Variants in MGAT4C observed in about 807,000 individuals in gnomAD.
The protein encoded by MGAT4C is MGAT4 family member C.
MGAT4C carries 19 observed loss-of-function variants against 40.1 expected under a neutral mutation model. The ratio of observed to expected loss-of-function variants is 0.47; its 90% CI spans 0.33 to 0.70. The LOEUF (loss-of-function observed/expected upper bound fraction) is 0.70, where lower values mean the gene tolerates loss of function less well. Among genes scored for constraint, MGAT4C ranks in the 30% least tolerant of loss-of-function variants. The pLI, the probability that MGAT4C is intolerant of heterozygous loss-of-function variation, is 0.02. For synonymous variants in MGAT4C, 181 were observed against 187.1 expected, an observed-to-expected ratio of 0.97 and a Z score of 0.27; for missense variants, 491 against 563.2, an observed-to-expected ratio of 0.87 and a Z score of 1.30.
At chr12:86,293,464 T>A (rs1953577757) in intron 4 of MGAT4C, among the ~76,000 whole-genome samples, 1 of 152,202 alleles carries the variant, frequency 6.6e-6, no homozygotes. Flanking sequence ...AATTCAACAA[T>A]AGGAACTCAG....
At chr12:86,534,328 C>A (rs1292726724) in intron 2 of MGAT4C, among the ~76,000 whole-genome samples, 1 of 152,098 alleles carries the variant, frequency 6.6e-6, no homozygotes, top group Non-Finnish European at 1.5e-5. Context: ...TCAGAAAAGT[C>A]TTTGAATCTA....
At chr12:86,607,807 C>T (rs1290205292) in intron 2 of MGAT4C, among the ~76,000 whole-genome samples, 1 of 152,064 alleles carries the variant, frequency 6.6e-6, no homozygotes, top group African/African-American at 2.4e-5. Flanking sequence ...ATTTGTAAAA[C>T]TTAGTAAAAT....
In MGAT4C at chr12:86,426,119, A is replaced by T. The variant is rs1225452008; in HGVS notation, c.-120+9038T>A. On this transcript the variant is annotated intron_variant, in intron 3 of 7. Transcript: ENST00000548651. The stretch of plus-strand genomic sequence containing the variant: ...ATTAGAAGTATACAACTTATTTTGC[A>T]GTCATTCAAATAGGCAGTATATTAT... Among the ~76,000 whole-genome samples the T allele has an allele frequency of 2.0e-5, 3 of 152,212 alleles. No individual in the cohort carries two copies. The East Asian group carries it at 5.8e-4, about 29-fold the overall frequency.
At chr12:86,499,382 A>T (rs1232707755) in intron 2 of MGAT4C, among the ~76,000 whole-genome samples, 1 of 151,764 alleles carries the variant, frequency 6.6e-6, no homozygotes, top group Non-Finnish European at 1.5e-5. Flanking sequence ...CTATATATAT[A>T]TTTCAACACA....
intron 1 of MGAT4C, among the ~76,000 whole-genome samples, chr12:86,756,091 A>C (rs1951300343): frequency 6.6e-6 from 1 of 152,146 alleles, no homozygotes; most frequent in South Asian, 2.1e-4. Flanking sequence ...TGCCATAACA[A>C]AATACCATAG....
intron 4 of MGAT4C, among the ~76,000 whole-genome samples, chr12:86,325,754 G>C (rs534936828): frequency 1.8e-4 from 28 of 152,142 alleles, no homozygotes; most frequent in Non-Finnish European, 3.8e-4. Flanking sequence ...GGTGCAGCCT[G>C]TATTCTCAGC....
rs1369400498 is a variant in MGAT4C at position 86,782,234 on chromosome 12, T to G, written c.-261-54993A>C. Among the ~76,000 whole-genome samples, 102 of 124,814 alleles carry G rather than the reference T, an allele frequency of 8.2e-4. 2 individuals carry two copies. The highest frequency in any genetic ancestry group is 3.0e-3 in the Admixed American group (27 of 9,138). The allele number at this position is 124,814 out of a possible 152,430, so 81.9% of individuals were successfully genotyped here. A position where few individuals can be genotyped will look rare whatever the true frequency, so the allele number is the denominator to read the frequency against. ...TCTCGCTCTGTCGCCCAGGCTGGAG[T>G]GCAGTGGCGGGATCTCGGCTCACTG... On this transcript the variant is annotated intron_variant, in intron 1 of 7. Coordinates refer to the MGAT4C transcript ENST00000548651.
chr12:86,166,564 C>T (rs1336459154), intron 1 of MGAT4C, among the ~76,000 whole-genome samples: 8 of 151,930 alleles, frequency 5.3e-5, no homozygotes, highest in Admixed American at 5.3e-4. Flanking sequence ...CTCAGCTACT[C>T]GGGAGGCTGA....
chr12:86,769,753 A>T lies in MGAT4C; in HGVS notation c.-261-42512T>A, dbSNP rs576568001. Among the ~76,000 whole-genome samples the T allele has an allele frequency of 1.6e-4, 25 of 152,180 alleles. No homozygotes were observed. In the East Asian group the frequency reaches 4.1e-3, roughly 25 times the overall value. On this transcript the variant is annotated intron_variant, in intron 1 of 7. Transcript: ENST00000548651. ...AATTGGAAATCATCATTCTCAGTAAACTATCGCAAGGACAAAAAACCAAAC... is the reference window on the plus strand; with the variant it reads ...AATTGGAAATCATCATTCTCAGTAATCTATCGCAAGGACAAAAAACCAAAC...
In MGAT4C at chr12:86,691,049, G is replaced by A. The variant is rs145189092; in HGVS notation, c.-229+36160C>T. On this transcript the variant is annotated intron_variant, in intron 2 of 7. Transcript: ENST00000548651. ...CTATTTTTACTGGAATAAATGGCAC[G>A]ATAGTTTACTCAGTTATTCAACACC... Among the ~76,000 whole-genome samples, 1,115 of 152,198 alleles carry A rather than the reference G, an allele frequency of 7.3e-3. 14 individuals carry two copies. Among genetic ancestry groups the A allele is most frequent in the African/African-American group, 0.025 (1,049 of 41,526 alleles).
chr12:86,183,407 C>T (rs1028565430), intron 1 of MGAT4C, among the ~76,000 whole-genome samples: 16 of 151,782 alleles, frequency 1.1e-4, no homozygotes, highest in African/African-American at 1.9e-4. Flanking sequence ...TTTCTTAATC[C>T]GAGAAAAGGA....
chr12:86,727,807 ATAT>A (rs1175049329), intron 1 of MGAT4C, among the ~76,000 whole-genome samples: 3 of 152,006 alleles, frequency 2.0e-5, no homozygotes, highest in Non-Finnish European at 4.4e-5. Context: ...TATTTCTATA[ATAT>A]TATATATGAA....
chr12:86,129,163 G>A (rs951898784), intron 1 of MGAT4C, among the ~76,000 whole-genome samples: 7 of 150,530 alleles, frequency 4.7e-5, no homozygotes, highest in Non-Finnish European at 8.9e-5. Context: ...TGACCCAGTC[G>A]GATTAACATC....
intron 2 of MGAT4C, among the ~76,000 whole-genome samples, chr12:86,532,626 A>G (rs1171302552): frequency 3.9e-5 from 6 of 152,074 alleles, no homozygotes; most frequent in Non-Finnish European, 7.4e-5. Flanking sequence ...ATTTAGTTTA[A>G]CTAGCTGTAA....
chr12:86,828,963 G>T (rs1952863669), intron 1 of MGAT4C, among the ~76,000 whole-genome samples: 1 of 151,456 alleles, frequency 6.6e-6, no homozygotes, highest in Non-Finnish European at 1.5e-5. Context: ...AAAAGTTGTT[G>T]ACTTATATGC....
rs1986603 is a variant in MGAT4C, at chr12:86,331,220, T to C, written c.-57+2845A>G. 0.022 allele frequency among the ~76,000 whole-genome samples: 3,340 copies of C among 152,260 alleles called. 223 individuals carry two copies. The East Asian group carries it at 0.25, about 11-fold the overall frequency. ...GAGCTTTGACTTGGCATTTTGTACA[T>C]TGGCATGCTTCCAAGCGGTTGCATC... is the stretch of plus-strand genomic sequence containing the variant. On this transcript the variant is annotated intron_variant, in intron 4 of 7. Transcript: ENST00000548651.
intron 2 of MGAT4C, among the ~76,000 whole-genome samples, chr12:86,575,186 T>C (rs947832045): frequency 6.6e-6 from 1 of 151,794 alleles, no homozygotes; most frequent in South Asian, 2.1e-4. Context: ...TTATTTTTCT[T>C]AAGCCATCCC....
rs573452128 is a variant in MGAT4C, at chr12:86,175,704, C to G, written c.-57+80535G>C. 3.4e-5 allele frequency among the ~76,000 whole-genome samples: 5 copies of G among 148,136 alleles called. No individual in the cohort carries two copies. The East Asian group carries it at 1.0e-3, about 30-fold the overall frequency. On this transcript the variant is annotated intron_variant, in intron 1 of 4. Transcript: ENST00000611864. ...CGGTGGTTCATGCCTGTAATCCCAG[C>G]ACTTTGGGAGGCCGAGGCGGGCGGA...
chr12:86,047,726 G>C (rs1342831317), intron 2 of MGAT4C, among the ~76,000 whole-genome samples: 1 of 152,088 alleles, frequency 6.6e-6, no homozygotes, highest in Non-Finnish European at 1.5e-5. Context: ...GCAAAACTAA[G>C]AACTTATCCT....
Sources: gnomAD v4.1 joint callset for allele counts (sites outside exome capture counted in the v4.1 genomes callset) on GRCh38, gnomAD v4.1.1 for gene constraint, MANE v1.5 for transcripts, NCBI Gene and HGNC (gene_info 2026-07-23, HGNC 2026-07-21) for gene names.